The following LRRC1 variants were observed in gnomAD, a reference collection of about 807,000 sequenced individuals.
The protein encoded by LRRC1 is leucine rich repeat containing 1.
LRRC1 carries 28 observed loss-of-function variants against 69.9 expected under a neutral mutation model. The ratio of observed to expected loss-of-function variants is 0.40; its 90% CI spans 0.30 to 0.55. The LOEUF (loss-of-function observed/expected upper bound fraction) is 0.55, where lower values mean the gene tolerates loss of function less well. Ranked by LOEUF, LRRC1 falls within the 20% of genes least tolerant of loss-of-function variation. The pLI is 0.47. For synonymous variants in LRRC1, 236 were observed against 240.2 expected, an observed-to-expected ratio of 0.98 and a Z score of 0.16; for missense variants, 498 against 609.0, an observed-to-expected ratio of 0.82 and a Z score of 1.92.
At chr6:53,916,275 G>A (rs539540944) in intron 11 of LRRC1, among the ~76,000 whole-genome samples, 2 of 152,184 alleles carry the variant, frequency 1.3e-5, no homozygotes, top group South Asian at 2.1e-4. Context: ...AGAATCAATG[G>A]TTGTCAATTG....
chr6:53,900,719 C>A (rs760459567), intron 8 of LRRC1, among the ~76,000 whole-genome samples: 9 of 152,120 alleles, frequency 5.9e-5, no homozygotes, highest in Non-Finnish European at 1.0e-4. Flanking sequence ...AAAAATCAAT[C>A]TAGACATTTT....
In LRRC1 at chr6:53,795,418, A is replaced by C. The variant is rs766188639; in HGVS notation, c.159+3A>C. 6.2e-7 allele frequency: 1 copy of C among 1,609,660 alleles called. No homozygotes were observed. Among genetic ancestry groups the C allele is most frequent in the African/African-American group, 1.3e-5 (1 of 74,886 alleles). ...ACCAGCTCCGCGAGCTGCCCGAGGT[A>C]AGGGTCCGGCCTCACCTGAGCGCTC... On this transcript the variant is annotated splice_donor_region_variant and intron_variant, in intron 1 of 13. Transcript: ENST00000370888.
intron 2 of LRRC1, among the ~76,000 whole-genome samples, chr6:53,863,248 C>T (rs552554526): frequency 1.3e-5 from 2 of 152,256 alleles, no homozygotes; most frequent in East Asian, 3.9e-4. Context: ...GCCCTTCCTC[C>T]CTGCCCTCCT....
chr6:53,817,585 G>A (rs187912429), intron 1 of LRRC1, among the ~76,000 whole-genome samples: 1 of 152,066 alleles, frequency 6.6e-6, no homozygotes, highest in Non-Finnish European at 1.5e-5. Context: ...AATGAATGGG[G>A]ATTATCTTTG....
chr6:53,796,377 G>C (rs963209125), intron 1 of LRRC1, among the ~76,000 whole-genome samples: 8 of 152,172 alleles, frequency 5.3e-5, no homozygotes, highest in African/African-American at 9.7e-5. Context: ...CTCAAACCCA[G>C]GTGTGTGCAG....
At chr6:53,849,645 G>A (rs982801000) in intron 2 of LRRC1, among the ~76,000 whole-genome samples, 1 of 152,198 alleles carries the variant, frequency 6.6e-6, no homozygotes, top group Admixed American at 6.5e-5. Flanking sequence ...ATCTTGGAAA[G>A]GGACTTGAGC....
intron 1 of LRRC1, among the ~76,000 whole-genome samples, chr6:53,800,633 C>A (rs1482856330): frequency 6.6e-6 from 1 of 151,566 alleles, no homozygotes; most frequent in Non-Finnish European, 1.5e-5. Flanking sequence ...TTTTAATATT[C>A]TTTTCAATAA....
chr6:53,827,644 G>A (rs1000550547), intron 1 of LRRC1, among the ~76,000 whole-genome samples: 2 of 152,110 alleles, frequency 1.3e-5, no homozygotes, highest in African/African-American at 4.8e-5. Flanking sequence ...AGAACATGGG[G>A]TGCATGGGCC....
intron 2 of LRRC1, among the ~76,000 whole-genome samples, chr6:53,864,159 C>T (rs182957463): frequency 7.2e-5 from 11 of 152,254 alleles, no homozygotes; most frequent in South Asian, 4.1e-4. Context: ...ATGATCCCCC[C>T]TCTGGGTGAC....
chr6:53,910,385 G>C (rs1228636109), intron 10 of LRRC1, among the ~76,000 whole-genome samples: 2 of 151,982 alleles, frequency 1.3e-5, no homozygotes, highest in Non-Finnish European at 2.9e-5. Context: ...TCTGCCTCCT[G>C]AACCCAAAAG....
intron 1 of LRRC1, among the ~76,000 whole-genome samples, chr6:53,807,774 A>G (rs1562023819): frequency 6.6e-6 from 1 of 151,896 alleles, no homozygotes; most frequent in African/African-American, 2.4e-5. Context: ...AACAACAACA[A>G]CAACAACACC....
intron 10 of LRRC1, among the ~76,000 whole-genome samples, chr6:53,912,777 G>A (rs752662568): frequency 7.9e-5 from 12 of 152,144 alleles, no homozygotes; most frequent in Non-Finnish European, 1.8e-4. Flanking sequence ...AGATATCATT[G>A]ACCATTCAAG....
chr6:53,877,691 C>T (rs376847688), intron 2 of LRRC1, among the ~76,000 whole-genome samples: 2 of 152,322 alleles, frequency 1.3e-5, no homozygotes, highest in East Asian at 3.9e-4. Flanking sequence ...GTCACCTTTG[C>T]TCCAGTTCCC....
rs577963824 is a variant in LRRC1 at position 53,910,940 on chromosome 6, G to T, written c.991-2914G>T. Among the ~76,000 whole-genome samples the T allele has an allele frequency of 2.6e-5, 4 of 152,380 alleles. No individual in the cohort carries two copies. In the South Asian group the frequency reaches 8.3e-4, roughly 32 times the overall value. On this transcript the variant is annotated intron_variant, in intron 10 of 13. Coordinates refer to ENST00000370888, the MANE Select transcript of LRRC1 (RefSeq NM_018214.5). ...TCCCTTCCTGGCTGATTTGGAAAGA[G>T]GGCTGTGTTTATGTGAATGTTCGCT...
At chr6:53,845,972 C>T (rs1420191150) in intron 2 of LRRC1, among the ~76,000 whole-genome samples, 4 of 152,164 alleles carry the variant, frequency 2.6e-5, no homozygotes, top group African/African-American at 4.8e-5. Context: ...GGAGATCTTC[C>T]GGCCATTCCT....
intron 1 of LRRC1, among the ~76,000 whole-genome samples, chr6:53,808,221 T>C (rs1351407532): frequency 6.6e-6 from 1 of 152,164 alleles, no homozygotes; most frequent in Non-Finnish European, 1.5e-5. Context: ...TGACGTTGAC[T>C]GTGGTGGTAG....
intron 1 of LRRC1, among the ~76,000 whole-genome samples, chr6:53,814,502 C>G (rs188296805): frequency 6.6e-4 from 101 of 152,256 alleles, no homozygotes; most frequent in African/African-American, 2.3e-3. Flanking sequence ...AGAACTAAGT[C>G]TAAACAATAA....
rs566424780 is a variant in LRRC1 at position 53,877,266 on chromosome 6, C to T, written c.278-1727C>T. Among the ~76,000 whole-genome samples, 3 of 152,320 alleles carry T rather than the reference C, an allele frequency of 2.0e-5. No homozygotes were observed. The East Asian group carries it at 5.8e-4, about 29-fold the overall frequency. ...CACCAGGTCCCTAGACTGCACACAACATGGGGACCCTGGACCGGGCCCAGG... is the reference window on the plus strand; with the variant it reads ...CACCAGGTCCCTAGACTGCACACAATATGGGGACCCTGGACCGGGCCCAGG... On this transcript the variant is annotated intron_variant, in intron 2 of 13. Coordinates refer to ENST00000370888, the MANE Select transcript of LRRC1 (RefSeq NM_018214.5).
chr6:53,892,029 C>T (rs1365098527), intron 4 of LRRC1, among the ~76,000 whole-genome samples: 5 of 150,880 alleles, frequency 3.3e-5, no homozygotes, highest in South Asian at 2.1e-4. Flanking sequence ...CACACACACA[C>T]ACACACACAC....
Sources: gnomAD v4.1 joint callset for allele counts (sites outside exome capture counted in the v4.1 genomes callset) on GRCh38, gnomAD v4.1.1 for gene constraint, MANE v1.5 for transcripts, NCBI Gene and HGNC (gene_info 2026-07-23, HGNC 2026-07-21) for gene names.